The following VPS8 variants were observed in gnomAD, a reference collection of about 807,000 sequenced individuals.
The protein encoded by VPS8 is VPS8 subunit of CORVET complex.
In VPS8, 129 loss-of-function variants were observed where a neutral mutation model predicts 216.4. The observed-to-expected ratio is 0.60, with a 90% CI of 0.52 to 0.69. VPS8 has a LOEUF of 0.69. Ranked by LOEUF, VPS8 falls within the 30% of genes least tolerant of loss-of-function variation. The pLI is 0.00. For missense variants in VPS8, 1,531 were observed against 1,683.5 expected (o/e 0.91, Z 1.59); for synonymous variants, 571 against 565.4 (o/e 1.01, Z -0.14).
intron 26 of VPS8, among the ~76,000 whole-genome samples, chr3:184,914,699 C>CTTCTT (rs1317440655): frequency 1.3e-5 from 2 of 152,142 alleles, no homozygotes; most frequent in African/African-American, 2.4e-5. Context: ...GTCCTCATTC[C>CTTCTT]TTCTTGCCCC....
intron 36 of VPS8, among the ~76,000 whole-genome samples, chr3:184,950,790 T>C (rs1474490415): frequency 6.6e-6 from 1 of 152,050 alleles, no homozygotes; most frequent in East Asian, 1.9e-4. Flanking sequence ...ATCGTTCAGC[T>C]CCCTCTTATG....
intron 30 of VPS8, among the ~76,000 whole-genome samples, chr3:184,925,255 T>A (rs1413145305): frequency 6.6e-6 from 1 of 152,152 alleles, no homozygotes; most frequent in East Asian, 1.9e-4. Context: ...AATTTAAGAA[T>A]CTCCCCCATC....
intron 40 of VPS8, 98 bp downstream of exon 40, chr3:184,971,850 A>AGTGGGTG: frequency 1.1e-6 from 1 of 886,074 alleles, no homozygotes; most frequent in Non-Finnish European, 1.8e-6. Context: ...CGAGACGGAC[A>AGTGGGTG]GATCACCTGA....
intron 6 of VPS8, chr3:184,839,227 CT>C: frequency 5.7e-6 from 1 of 175,768 alleles, no homozygotes; most frequent in Non-Finnish European, 1.2e-5. Context: ...CCTCCAGTGC[CT>C]TTTTAGCATT....
At chr3:185,012,572 A>G (rs2110003885) in intron 45 of VPS8, among the ~76,000 whole-genome samples, 1 of 151,976 alleles carries the variant, frequency 6.6e-6, no homozygotes, top group South Asian at 2.1e-4. Flanking sequence ...CAAACACATA[A>G]TAGTCGTAGT....
intron 14 of VPS8, among the ~76,000 whole-genome samples, chr3:184,857,067 A>T (rs1417410236): frequency 6.6e-6 from 1 of 152,172 alleles, no homozygotes; most frequent in African/African-American, 2.4e-5. Context: ...TTTCTTCCCC[A>T]CTAGACAGAA....
At chr3:184,889,263 G>A (rs531728179) in intron 22 of VPS8, among the ~76,000 whole-genome samples, 6 of 151,908 alleles carry the variant, frequency 3.9e-5, no homozygotes, top group African/African-American at 1.2e-4. Flanking sequence ...TGATTCCTTA[G>A]CATGCTTTCT....
intron 21 of VPS8, among the ~76,000 whole-genome samples, chr3:184,880,586 G>A (rs1287250851): frequency 1.3e-5 from 2 of 152,160 alleles, no homozygotes; most frequent in Non-Finnish European, 2.9e-5. Context: ...TATCTGGGTT[G>A]TTTCCAGTTT....
At chr3:184,935,564 T>C (rs1291176922) in intron 34 of VPS8, among the ~76,000 whole-genome samples, 1 of 152,186 alleles carries the variant, frequency 6.6e-6, no homozygotes, top group Non-Finnish European at 1.5e-5. Context: ...TTGATCATAG[T>C]GTCCCCACAG....
At chr3:184,944,503 TTATGCAGTG>T in intron 36 of VPS8, 1 of 985,444 alleles carries the variant, frequency 1.0e-6, no homozygotes, top group Non-Finnish European at 1.2e-6. Context: ...TGCAGGTTCC[TTATGCAGTG>T]GGGATGCTTA....
chr3:184,929,298 A>G (rs968190757), intron 32 of VPS8, among the ~76,000 whole-genome samples: 5 of 152,010 alleles, frequency 3.3e-5, no homozygotes, highest in Non-Finnish European at 7.4e-5. Flanking sequence ...GTCTCAAGCA[A>G]TCCTCCTGCC....
At chr3:185,023,342 T>C (rs1033833422) in intron 45 of VPS8, among the ~76,000 whole-genome samples, 4 of 152,246 alleles carry the variant, frequency 2.6e-5, no homozygotes, top group Non-Finnish European at 5.9e-5. Context: ...TCCTAATGAA[T>C]TGACCCCTTT....
At chr3:185,051,792 C>G in intron 47 of VPS8, 84 bp from the exon 48 acceptor site, 1 of 1,429,674 alleles carries the variant, frequency 7.0e-7, no homozygotes, top group Non-Finnish European at 9.3e-7. Context: ...CACTGTCTCT[C>G]ATGTATCTGA....
At chr3:184,878,116 C>CTT (rs879934965) in intron 21 of VPS8, among the ~76,000 whole-genome samples, 123 of 145,102 alleles carry the variant, frequency 8.5e-4, no homozygotes, top group African/African-American at 2.6e-3. Context: ...TTAAAAGACC[C>CTT]TTTTTTTTTT....
chr3:184,871,292 A>G (rs1728302639), intron 21 of VPS8, among the ~76,000 whole-genome samples: 1 of 117,762 alleles, frequency 8.5e-6, no homozygotes, highest in African/African-American at 4.2e-5. Context: ...AATGAAAGCC[A>G]AAGAACAATG....
Position 184,904,202 on chromosome 3 carries a change from A to G in VPS8, c.2146+3230A>G, listed in dbSNP as rs1227735053. On this transcript the variant is annotated intron_variant, in intron 25 of 47. Transcript: ENST00000625842. ...AAAATAATTATAATTTTTTCTTTCTAATATAGATGCCTTTCTTTTTATTCC... is the reference window on the plus strand; with the variant it reads ...AAAATAATTATAATTTTTTCTTTCTGATATAGATGCCTTTCTTTTTATTCC... Among the ~76,000 whole-genome samples, 3 of 152,156 alleles carry G rather than the reference A, an allele frequency of 2.0e-5. No individual in the cohort carries two copies. The East Asian group carries it at 5.8e-4, about 29-fold the overall frequency.
intron 46 of VPS8, among the ~76,000 whole-genome samples, chr3:185,027,544 T>C (rs1309039340): frequency 6.6e-6 from 1 of 152,138 alleles, no homozygotes; most frequent in Non-Finnish European, 1.5e-5. Flanking sequence ...ACCCGGCTCT[T>C]ACGTTCTTTA....
At chr3:184,907,906 A>T (rs1456973149) in intron 25 of VPS8, among the ~76,000 whole-genome samples, 1 of 152,164 alleles carries the variant, frequency 6.6e-6, no homozygotes, top group Non-Finnish European at 1.5e-5. Context: ...ATGGGTTATA[A>T]ATTAGGGCCT....
At chr3:184,857,705 C>T (rs2108698651) in intron 14 of VPS8, among the ~76,000 whole-genome samples, 1 of 152,282 alleles carries the variant, frequency 6.6e-6, no homozygotes, top group South Asian at 2.1e-4. Flanking sequence ...GTGATGACTC[C>T]ATTACCAGTC....
Sources: gnomAD v4.1 joint callset for allele counts (sites outside exome capture counted in the v4.1 genomes callset) on GRCh38, gnomAD v4.1.1 for gene constraint, MANE v1.5 for transcripts, NCBI Gene and HGNC (gene_info 2026-07-23, HGNC 2026-07-21) for gene names.